The following LITAF variants were observed in gnomAD, a reference collection of about 807,000 sequenced individuals.
LITAF encodes the protein lipopolysaccharide induced TNF factor, also known as lipopolysaccharide-induced tumor necrosis factor-alpha factor.
In LITAF, 9 loss-of-function variants were observed where a neutral mutation model predicts 14.5. That is an observed-to-expected ratio of 0.62 (90% CI 0.37 to 1.08). The LOEUF is 1.08. Among genes scored for constraint, LITAF ranks in the 50% least tolerant of loss-of-function variants. The pLI is 0.01. For synonymous variants in LITAF, 98 were observed against 88.2 expected, an observed-to-expected ratio of 1.11 and a Z score of -0.62; for missense variants, 206 against 213.4, an observed-to-expected ratio of 0.97 and a Z score of 0.22.
At chr16:11,594,914 TAAAAA>T (rs1426976864) in intron 1 of LITAF, among the ~76,000 whole-genome samples, 5 of 148,226 alleles carry the variant, frequency 3.4e-5, no homozygotes, top group East Asian at 1.9e-4. Flanking sequence ...AAAATAAAAA[TAAAAA>T]TAAAAATAAA....
In LITAF at chr16:11,610,444, C is replaced by T. The variant is rs537463215; in HGVS notation, c.85+23089G>A. Among the ~76,000 whole-genome samples the T allele has an allele frequency of 3.3e-5, 5 of 152,260 alleles. No homozygotes were observed. In the East Asian group the frequency reaches 9.7e-4, roughly 29 times the overall value. ...TTATTCTGGTCCTTCAAGCCCCAGC[C>T]TGCACGCTGGGCAGTGGGAAGGGAG... is the stretch of plus-strand genomic sequence containing the variant. On this transcript the variant is annotated intron_variant, in intron 3 of 3. Transcript: ENST00000574848.
At chr16:11,616,610 G>C (rs1024624317) in intron 3 of LITAF, among the ~76,000 whole-genome samples, 1 of 152,144 alleles carries the variant, frequency 6.6e-6, no homozygotes, top group East Asian at 1.9e-4. Flanking sequence ...GTGAGGCAAA[G>C]ACCAAATACA....
At position 11,549,877 on chromosome 16, in the gene LITAF, A is replaced by T. The variant is rs550665590; in HGVS notation, c.378-132T>A. 6.9e-6 allele frequency: 5 copies of T among 726,466 alleles called. No homozygotes were observed. In the East Asian group the frequency reaches 1.4e-4, roughly 21 times the overall value. 45.0% of individuals were successfully genotyped at this position (726,466 alleles called of 1,614,324 possible). ...GTATAATTAGGAATTTTGAGATGGG[A>T]TCATCTTGGATTATCCAGGCGGACC... On this transcript the variant is annotated intron_variant, in intron 3 of 3. Coordinates refer to ENST00000622633, the MANE Select transcript of LITAF (RefSeq NM_001136472.2). The surrounding 1 kb of genome is among the most constrained non-coding windows in gnomAD (Gnocchi z 4.6).
intron 3 of LITAF, among the ~76,000 whole-genome samples, chr16:11,552,550 A>G (rs1567234846): frequency 6.6e-6 from 1 of 152,186 alleles, no homozygotes; most frequent in Non-Finnish European, 1.5e-5. Flanking sequence ...AGAAAAAGGA[A>G]TCCCTGAGGA....
At chr16:11,571,133 T>C (rs1011333735) in intron 1 of LITAF, among the ~76,000 whole-genome samples, 4 of 152,082 alleles carry the variant, frequency 2.6e-5, no homozygotes, top group Admixed American at 2.6e-4. Flanking sequence ...AGTAGTGCGA[T>C]CTCAGCTCAC....
intron 1 of LITAF, chr16:11,575,367 T>C (rs552947223): frequency 6.6e-6 from 1 of 152,240 alleles, no homozygotes; most frequent in Non-Finnish European, 1.5e-5. Flanking sequence ...AGGGGGCAGA[T>C]CTGGGTACAG....
chr16:11,595,333 G>A (rs1481245933), intron 1 of LITAF, among the ~76,000 whole-genome samples: 1 of 152,184 alleles, frequency 6.6e-6, no homozygotes, highest in Non-Finnish European at 1.5e-5. Flanking sequence ...CCTGACCCTG[G>A]CCAAACGCTT....
chr16:11,629,384 G>C (rs1342637441), intron 3 of LITAF, among the ~76,000 whole-genome samples: 1 of 152,210 alleles, frequency 6.6e-6, no homozygotes, highest in South Asian at 2.1e-4. Context: ...AAGGAGACAA[G>C]GTGCAGGAGG....
chr16:11,561,691 T>C (rs2064368338), intron 1 of LITAF: 1 of 152,134 alleles, frequency 6.6e-6, no homozygotes, highest in Non-Finnish European at 1.5e-5. Context: ...GGCCAGGAAA[T>C]GCCACCACGG....
chr16:11,554,581 T>C (rs2141706432), intron 2 of LITAF, among the ~76,000 whole-genome samples: 1 of 151,768 alleles, frequency 6.6e-6, no homozygotes, highest in African/African-American at 2.4e-5. Flanking sequence ...TCACCAGAGG[T>C]CAGGAGTTCA....
chr16:11,569,724 A>G (rs1267091020), intron 1 of LITAF, among the ~76,000 whole-genome samples: 1 of 152,220 alleles, frequency 6.6e-6, no homozygotes, highest in Non-Finnish European at 1.5e-5. Flanking sequence ...GGAAATAAAA[A>G]GGGCTAAAAG....
chr16:11,617,022 C>A (rs1197270302), intron 3 of LITAF, among the ~76,000 whole-genome samples: 1 of 151,594 alleles, frequency 6.6e-6, no homozygotes, highest in Non-Finnish European at 1.5e-5. Context: ...GAGTTCGAGA[C>A]CAGCCTGGTC....
At chr16:11,557,527 G>A (rs2064293199) in intron 1 of LITAF, among the ~76,000 whole-genome samples, 1 of 152,154 alleles carries the variant, frequency 6.6e-6, no homozygotes, top group South Asian at 2.1e-4. Context: ...TCAGCTCACT[G>A]CAGCCTCCAC....
chr16:11,556,579 G>C lies in LITAF; in HGVS notation c.152C>G (p.Pro51Arg). Residue 51 changes from proline (P) to arginine (R), a missense_variant, in exon 2 of 4, where the codon CCT (proline) becomes CGT (arginine). Coordinates refer to ENST00000622633, the MANE Select transcript of LITAF (RefSeq NM_001136472.2). ...AGGAGGATTCATGCCCTTCCCATCAGGCCCCGTCACAAGCCCCGTAGTTGG... is the reference window on the plus strand; with the variant it reads ...AGGAGGATTCATGCCCTTCCCATCACGCCCCGTCACAAGCCCCGTAGTTGG... ...PGPTTGLVTG[P>R]DGKGMNPPSY... The C allele has an allele frequency of 6.2e-7, 1 of 1,614,178 alleles. No individual in the cohort carries two copies. Among genetic ancestry groups the C allele is most frequent in the Non-Finnish European group, 8.5e-7 (1 of 1,180,032 alleles).
intron 3 of LITAF, among the ~76,000 whole-genome samples, chr16:11,612,201 C>T (rs2064986482): frequency 6.6e-6 from 1 of 152,190 alleles, no homozygotes; most frequent in Admixed American, 6.5e-5. Context: ...CTCAGGACAG[C>T]CAACCATGTG....
chr16:11,574,150 T>G (rs2064592389), intron 1 of LITAF, among the ~76,000 whole-genome samples: 1 of 152,088 alleles, frequency 6.6e-6, no homozygotes, highest in African/African-American at 2.4e-5. Flanking sequence ...CAAGCGATCC[T>G]CCTGCCTCAG....
At chr16:11,625,322 G>C (rs1249537025) in intron 3 of LITAF, among the ~76,000 whole-genome samples, 1 of 150,494 alleles carries the variant, frequency 6.6e-6, no homozygotes, top group Non-Finnish European at 1.5e-5. Flanking sequence ...GAATGCAGTA[G>C]TGCGATCTCG....
chr16:11,623,595 G>A (rs898637769), intron 3 of LITAF, among the ~76,000 whole-genome samples: 29 of 151,904 alleles, frequency 1.9e-4, no homozygotes, highest in Non-Finnish European at 3.4e-4. Context: ...AGGAGGCAGA[G>A]GTTGTGGTGA....
upstream of LITAF, among the ~76,000 whole-genome samples, chr16:11,603,310 G>A (rs2064938073): frequency 6.6e-6 from 1 of 152,126 alleles, no homozygotes; most frequent in African/African-American, 2.4e-5. Context: ...AAACTTCCCT[G>A]CCTCCATCCC....
Sources: gnomAD v4.1 joint callset for allele counts (sites outside exome capture counted in the v4.1 genomes callset) on GRCh38, gnomAD v4.1.1 for gene constraint, Gnocchi (gnomAD v3.1) non-coding constraint, MANE v1.5 for transcripts, NCBI Gene and HGNC (gene_info 2026-07-23, HGNC 2026-07-21) for gene names.